Variants in CRB2 observed in about 807,000 individuals in gnomAD.
The protein encoded by CRB2 is crumbs cell polarity complex component 2, also known as protein crumbs homolog 2.
Under a neutral mutation model 110.9 loss-of-function variants are expected in CRB2, and 85 were observed. The ratio of observed to expected loss-of-function variants is 0.77; its 90% CI spans 0.64 to 0.92. The LOEUF is 0.92. CRB2 is among the 40% of genes least tolerant of loss of function. CRB2 has a pLI of 0.00. For synonymous variants in CRB2, 907 were observed against 831.0 expected, an observed-to-expected ratio of 1.09 and a Z score of -1.57; for missense variants, 1,843 against 1,851.3, an observed-to-expected ratio of 1.00 and a Z score of 0.08.
At chr9:123,379,398 G>T (rs554669510), downstream of CRB2, among the ~76,000 whole-genome samples, 6 of 152,370 alleles carry the variant, frequency 3.9e-5, no homozygotes, top group African/African-American at 1.4e-4. Context: ...TTGGAGGCCT[G>T]CAGTCTGCCC....
chr9:123,376,742 C>T, intron 12 of CRB2, 96 bp from the exon 13 acceptor site: 1 of 1,177,380 alleles, frequency 8.5e-7, no homozygotes, highest in East Asian at 2.6e-5. Flanking sequence ...CTGATTTTCT[C>T]TGAGTAGGTC....
Position 123,374,630 on chromosome 9 carries a change from C to T in CRB2, c.3441C>T (p.Gly1147=), listed in dbSNP as rs1278438652. The change falls in exon 11 of 13, where the codon GGC becomes GGT. Residue 1147 remains glycine, a synonymous_variant. Coordinates refer to ENST00000373631, the MANE Select transcript of CRB2 (RefSeq NM_173689.7). ...GCCTGAATGTCACCTGCCTCGATGG[C>T]AGCCCATGTGAGGGTGGCTCTCCCG... The part of the protein sequence containing the change: ...ECSLNVTCLD[G]SPCEGGSPAA... The T allele has an allele frequency of 1.9e-6, 3 of 1,613,250 alleles. No homozygotes were observed. Among genetic ancestry groups the T allele is most frequent in the African/African-American group, 1.3e-5 (1 of 74,928 alleles).
At chr9:123,374,958 G>C (rs570281734) in intron 11 of CRB2, among the ~76,000 whole-genome samples, 7 of 152,302 alleles carry the variant, frequency 4.6e-5, no homozygotes, top group Admixed American at 2.0e-4. Flanking sequence ...CAGATTCTGG[G>C]CCCTGCAGAC....
rs571013901 is a variant in CRB2 at position 123,371,186 on chromosome 9, G to A, written c.2044G>A (p.Ala682Thr). The stretch of plus-strand genomic sequence containing the variant: ...TTTCCTTCTCCGCACTCGGGAGTCC[G>A]CTGGCCTGTTGCTCCAGTTTGCCAA... ...VSFLLRTRES[A>T]GLLLQFANDS... The change falls in exon 8 of 13, where the codon GCT (alanine) becomes ACT (threonine). Residue 682 changes from alanine to threonine, a missense_variant. Physicochemically the swap from Ala to Thr is moderately conservative, Grantham distance 58 (BLOSUM62 0). Coordinates refer to ENST00000373631, the MANE Select transcript of CRB2 (RefSeq NM_173689.7). The A allele has an allele frequency of 2.9e-5, 46 of 1,613,810 alleles. No individual in the cohort carries two copies. The highest frequency in any genetic ancestry group is 8.8e-5 in the South Asian group (8 of 91,088).
chr9:123,355,718 G>GAGC (rs1482906581), upstream of CRB2, among the ~76,000 whole-genome samples: 1 of 147,300 alleles, frequency 6.8e-6, no homozygotes, highest in African/African-American at 2.5e-5. Flanking sequence ...GAGCACTGGG[G>GAGC]AGCAGCAGGT....
chr9:123,359,441 G>GTTT (rs375773781), intron 1 of CRB2, among the ~76,000 whole-genome samples: 1,474 of 93,958 alleles, frequency 0.016, 58 homozygotes, highest in African/African-American at 0.029. Flanking sequence ...TTTTTGTTTT[G>GTTT]TTTTTTTTTT....
Position 123,376,866 on chromosome 9 carries a change from C to G in CRB2, c.3662C>G (p.Pro1221Arg). 1 of 1,609,548 alleles carries G rather than the reference C, an allele frequency of 6.2e-7. No individual in the cohort carries two copies. Among genetic ancestry groups the G allele is most frequent in the Non-Finnish European group, 8.5e-7 (1 of 1,179,256 alleles). Residue 1221 changes from proline to arginine, a missense_variant, in exon 13 of 13, where the codon CCA (proline) becomes CGA (arginine). Transcript: ENST00000373631. Reference sequence around the variant, plus strand: ...GGCCTGCCCCTGCCGCTGCCATTCCCACTGCTGGAGGTGGCCGTACCTGCA... The same window carrying G: ...GGCCTGCCCCTGCCGCTGCCATTCCGACTGCTGGAGGTGGCCGTACCTGCA... ...AKGLPLPLPF[P>R]LLEVAVPAAC...
downstream of CRB2, chr9:123,379,754 G>GAGC (rs2042182815): frequency 6.6e-6 from 1 of 152,302 alleles, no homozygotes; most frequent in Non-Finnish European, 1.5e-5. Flanking sequence ...TGTGAACATG[G>GAGC]AGCGCTCACC....
intron 6 of CRB2, 43 bp downstream of exon 6, chr9:123,367,729 G>C: frequency 7.7e-7 from 1 of 1,296,318 alleles, no homozygotes; most frequent in Non-Finnish European, 1.1e-6. Flanking sequence ...AGAATTGGTG[G>C]TCCTCAGGTG....
rs751538843 is a variant in CRB2, at chr9:123,366,082, A to G, written c.584A>G (p.His195Arg). ...LDECQSQPCA[H>R]GGTCHDLVNG... ...GAGTGCCAGAGCCAGCCGTGCGCAC[A>G]TGGGGGCACGTGCCACGACCTGGTC... The change falls in exon 3 of 13, where the codon CAT (histidine) becomes CGT (arginine). Residue 195 changes from histidine (H) to arginine (R), a missense_variant. Coordinates refer to ENST00000373631, the MANE Select transcript of CRB2 (RefSeq NM_173689.7). 1.9e-5 allele frequency: 29 copies of G among 1,546,528 alleles called. 1 individual carries two copies. Among genetic ancestry groups the G allele is most frequent in the South Asian group, 1.3e-4 (11 of 84,940 alleles).
At chr9:123,357,918 C>T (rs1405644787) in intron 1 of CRB2, among the ~76,000 whole-genome samples, 1 of 152,280 alleles carries the variant, frequency 6.6e-6, no homozygotes, top group Admixed American at 6.5e-5. Flanking sequence ...TGTGCACTCA[C>T]AGGGGACCTG....
intron 6 of CRB2, among the ~76,000 whole-genome samples, chr9:123,368,172 GC>G (rs1040525181): frequency 6.6e-6 from 1 of 152,046 alleles, no homozygotes; most frequent in Non-Finnish European, 1.5e-5. Context: ...GAACGTCCCT[GC>G]CCCCTCTGGA....
chr9:123,362,421 T>C (rs992594115), intron 1 of CRB2, among the ~76,000 whole-genome samples: 3 of 152,204 alleles, frequency 2.0e-5, no homozygotes, highest in African/African-American at 7.2e-5. Flanking sequence ...CCTTGAAGCC[T>C]GTCCCAGCGA....
At chr9:123,373,956 C>T (rs1420057788) in intron 10 of CRB2, 36 bp downstream of exon 10, 1 of 1,549,640 alleles carries the variant, frequency 6.5e-7, no homozygotes, top group Non-Finnish European at 8.7e-7. Flanking sequence ...GCTGCGAATG[C>T]CCCCTGGGGC....
chr9:123,362,059 C>T, intron 1 of CRB2, among the ~76,000 whole-genome samples: 1 of 152,194 alleles, frequency 6.6e-6, no homozygotes, highest in East Asian at 1.9e-4. Context: ...ACCATGCGAC[C>T]TTGGCCAGGC....
intron 6 of CRB2, 115 bp from the exon 7 acceptor site, chr9:123,369,993 A>C: frequency 1.6e-6 from 2 of 1,231,354 alleles, no homozygotes; most frequent in Non-Finnish European, 2.2e-6. Flanking sequence ...TCCTCTGGGA[A>C]TTGGTTTGGC....
At position 123,377,377 on chromosome 9, in the gene CRB2, TGA is replaced by T. The variant is rs764034972; in HGVS notation, c.*317_*318del. On this transcript the variant is annotated 3_prime_UTR_variant, in exon 13 of 13. Transcript: ENST00000373631. ...GTGTGTATCTGGAGGAGTGTGTGTG[TGA>T]GTGTGTACCTGGGCCTGTGTTAGTC... 8 of 307,564 alleles carry T rather than the reference TGA, an allele frequency of 2.6e-5. No individual in the cohort carries two copies. Among genetic ancestry groups the T allele is most frequent in the South Asian group, 8.4e-5 (1 of 11,926 alleles). 19.1% of individuals were successfully genotyped at this position (307,564 alleles called of 1,614,324 possible). A position where few individuals can be genotyped will look rare whatever the true frequency, so the allele number is the denominator to read the frequency against.
intron 3 of CRB2, 31 bp downstream of exon 3, chr9:123,366,143 CGCCGGGTGCCCGAGG>C: frequency 7.2e-7 from 1 of 1,383,538 alleles, no homozygotes; most frequent in Non-Finnish European, 9.3e-7. Context: ...GCGGCAGGGG[CGCCGGGTGCCCGAGG>C]GCGGGGAGGC....
In CRB2 at chr9:123,366,944, C is replaced by CAA. The variant is rs3050063; in HGVS notation, c.755-211_755-210dup. On this transcript the variant is annotated intron_variant, in intron 4 of 12. Transcript: ENST00000373631. Reference sequence around the variant, plus strand: ...TGGGCAACAGAGTGAGATTCTATCTCAAAAAAAAAAAAAAAAAATTAGTAG... The same window carrying CAA: ...TGGGCAACAGAGTGAGATTCTATCTCAAAAAAAAAAAAAAAAAAAATTAGTAG... Among the ~76,000 whole-genome samples, 5,090 of 133,826 alleles carry CAA rather than the reference C, an allele frequency of 0.038. 238 individuals carry two copies. Among genetic ancestry groups the CAA allele is most frequent in the African/African-American group, 0.11 (4,014 of 35,360 alleles). 87.8% of individuals were successfully genotyped at this position (133,826 alleles called of 152,430 possible).
Sources: allele counts gnomAD v4.1 joint callset (sites outside exome capture counted in the v4.1 genomes callset), GRCh38; gene constraint gnomAD v4.1.1; transcripts MANE v1.5; gene names NCBI Gene and HGNC (gene_info 2026-07-23, HGNC 2026-07-21).